Variants in FRRS1 observed in about 807,000 individuals in gnomAD.
FRRS1 encodes the protein ferric reductase 1.
Under a neutral mutation model 70.7 loss-of-function variants are expected in FRRS1, and 51 were observed. The observed-to-expected ratio is 0.72, with a 90% CI of 0.58 to 0.91. The LOEUF is 0.91. Ranked by LOEUF, FRRS1 falls within the 40% of genes least tolerant of loss-of-function variation. The pLI, the probability that FRRS1 is intolerant of heterozygous loss-of-function variation, is 0.00. For missense variants in FRRS1, 672 were observed against 726.0 expected, an observed-to-expected ratio of 0.93 and a Z score of 0.86; for synonymous variants, 225 against 238.7, an observed-to-expected ratio of 0.94 and a Z score of 0.53.
At chr1:99,739,296 G>A (rs540970057) in intron 6 of FRRS1, among the ~76,000 whole-genome samples, 7 of 152,286 alleles carry the variant, frequency 4.6e-5, no homozygotes, top group South Asian at 2.1e-4. Flanking sequence ...ATGGCACAAA[G>A]ACACAATAAA....
intron 9 of FRRS1, among the ~76,000 whole-genome samples, chr1:99,727,438 C>T (rs11166309): frequency 0.018 from 2,675 of 152,206 alleles, 74 homozygotes; most frequent in African/African-American, 0.061. Context: ...CTTTAGCATT[C>T]TTCCTTCAGC....
chr1:99,725,716 A>G (rs185180928), intron 9 of FRRS1, among the ~76,000 whole-genome samples: 1 of 152,198 alleles, frequency 6.6e-6, no homozygotes, highest in Admixed American at 6.5e-5. Context: ...TCATCCATCA[A>G]CTAGGTGTTT....
intron 1 of FRRS1, among the ~76,000 whole-genome samples, chr1:99,755,427 G>T (rs1195408911): frequency 6.6e-6 from 1 of 151,980 alleles, no homozygotes; most frequent in Non-Finnish European, 1.5e-5. Context: ...GAGAGAGAAA[G>T]GGAGGGAGGG....
intron 15 of FRRS1, 35 bp downstream of exon 15, chr1:99,710,769 AGT>A (rs1654233990): frequency 6.9e-6 from 11 of 1,591,338 alleles, no homozygotes; most frequent in Admixed American, 1.7e-5. Context: ...TTTGTATAGA[AGT>A]GCTTCTACAT....
Position 99,705,421 on chromosome 1 carries a change from T to G in FRRS1, c.*3607A>C, listed in dbSNP as rs1224207940. Among the ~76,000 whole-genome samples the G allele has an allele frequency of 6.6e-6, 1 of 152,198 alleles. No individual in the cohort carries two copies. Among genetic ancestry groups the G allele is most frequent in the Non-Finnish European group, 1.5e-5 (1 of 68,024 alleles). On this transcript the variant is annotated 3_prime_UTR_variant, in exon 17 of 17. Transcript: ENST00000646001. ...TTAAAAAGGACTCTTAGAAGAATCT[T>G]TCCTTTCATTCCAACCTATAATGGA... is the stretch of plus-strand genomic sequence containing the variant.
At chr1:99,749,118 C>T (rs1307923316) in intron 1 of FRRS1, 117 bp from the exon 2 acceptor site, 1 of 181,180 alleles carries the variant, frequency 5.5e-6, no homozygotes, top group East Asian at 1.6e-4. Flanking sequence ...TCACTGCAAC[C>T]TCCGCCTCCC....
At position 99,715,494 on chromosome 1, in the gene FRRS1, A is replaced by T. The variant is rs1654473114; in HGVS notation, c.1323+92T>A. 9 of 771,620 alleles carry T rather than the reference A, an allele frequency of 1.2e-5. 1 individual carries two copies. The South Asian group carries it at 1.4e-4, about 12-fold the overall frequency. 47.8% of individuals were successfully genotyped at this position (771,620 alleles called of 1,614,324 possible). On this transcript the variant is annotated intron_variant, in intron 12 of 16. Transcript: ENST00000646001. The stretch of plus-strand genomic sequence containing the variant: ...GAAAGAAAGAGGGATCAATGCTGAA[A>T]TATCTTTTTACCCATCATTTGAAAA...
intron 1 of FRRS1, among the ~76,000 whole-genome samples, chr1:99,751,911 T>C (rs1303367875): frequency 6.6e-6 from 1 of 152,184 alleles, no homozygotes; most frequent in Non-Finnish European, 1.5e-5. Flanking sequence ...ATAATACATA[T>C]AATTATTTTT....
chr1:99,737,985 C>G (rs971032580), intron 7 of FRRS1, 101 bp downstream of exon 7: 5 of 921,932 alleles, frequency 5.4e-6, no homozygotes, highest in Non-Finnish European at 6.5e-6. Flanking sequence ...TCGTGATCCA[C>G]CTGCCTCGGC....
chr1:99,744,960 ACT>A (rs1248743493), intron 4 of FRRS1, among the ~76,000 whole-genome samples: 1 of 128,756 alleles, frequency 7.8e-6, no homozygotes, highest in Non-Finnish European at 1.6e-5. Flanking sequence ...ACAGAGGGAG[ACT>A]CCGTCTCAAA....
intron 7 of FRRS1, among the ~76,000 whole-genome samples, chr1:99,734,269 T>C (rs1446404557): frequency 6.6e-6 from 1 of 152,196 alleles, no homozygotes; most frequent in Non-Finnish European, 1.5e-5. Context: ...GTCTGTTACA[T>C]AAAATTAACG....
chr1:99,737,656 T>A (rs971860208), intron 7 of FRRS1, among the ~76,000 whole-genome samples: 2 of 152,196 alleles, frequency 1.3e-5, no homozygotes, highest in Non-Finnish European at 2.9e-5. Context: ...TAACTTAGAA[T>A]CTGTTCTAAG....
At chr1:99,746,719 C>T (rs189620825) in intron 4 of FRRS1, among the ~76,000 whole-genome samples, 2 of 152,342 alleles carry the variant, frequency 1.3e-5, no homozygotes, top group East Asian at 3.9e-4. Context: ...TTCAACAATG[C>T]TTTTGCCTTC....
At chr1:99,758,548 G>A (rs1474827804) in intron 1 of FRRS1, among the ~76,000 whole-genome samples, 4 of 152,164 alleles carry the variant, frequency 2.6e-5, no homozygotes, top group Non-Finnish European at 5.9e-5. Context: ...ATAAGCTGAG[G>A]ATGTACGTCA....
chr1:99,742,103 C>T (rs950201031), intron 5 of FRRS1, 76 bp downstream of exon 5: 2 of 885,754 alleles, frequency 2.3e-6, no homozygotes, highest in East Asian at 2.5e-5. Context: ...GATCCACCAC[C>T]TTGGCATCCC....
intron 7 of FRRS1, among the ~76,000 whole-genome samples, chr1:99,733,439 T>C (rs1339856129): frequency 6.6e-6 from 1 of 152,172 alleles, no homozygotes; most frequent in Non-Finnish European, 1.5e-5. Flanking sequence ...TAAAGCTCTT[T>C]TGAGAAATGA....
intron 1 of FRRS1, among the ~76,000 whole-genome samples, chr1:99,765,029 C>G (rs886385015): frequency 4.6e-5 from 7 of 152,192 alleles, no homozygotes; most frequent in Non-Finnish European, 1.0e-4. Flanking sequence ...TTCATTCTGA[C>G]TAGCAGACAA....
rs1170787596 is a variant in FRRS1 at position 99,740,899 on chromosome 1, A to ATCT, written c.467_469dup (p.Lys156dup). Reference sequence around the variant, plus strand: ...TGGTTGTGAAATTATAGGACCAGGAATCTTCACCCAGTAGATTTTATACTT... The same window carrying ATCT: ...TGGTTGTGAAATTATAGGACCAGGAATCTTCTTCACCCAGTAGATTTTATACTT... On this transcript the variant is annotated inframe_insertion, in exon 6 of 17. Transcript: ENST00000646001. 6.2e-7 allele frequency: 1 copy of ATCT among 1,609,588 alleles called. No homozygotes were observed. The highest frequency in any genetic ancestry group is 1.7e-5 in the Admixed American group (1 of 60,020).
rs779372849 is a variant in FRRS1 at position 99,712,131 on chromosome 1, A to G, written c.1454T>C (p.Met485Thr). The G allele has an allele frequency of 1.9e-6, 3 of 1,610,920 alleles. No homozygotes were observed. In the Admixed American group the frequency reaches 5.0e-5, roughly 27 times the overall value. ...TGCTATTATTCTAGCAGCTGTTCCC[A>G]TACTCCAATGAGTCCAGTTAAACAT... is the stretch of plus-strand genomic sequence containing the variant. ...RQMFNWTHWS[M>T]GTAARIIAVA... is the part of the protein sequence containing the mutation. The change falls in exon 14 of 17, where the codon ATG becomes ACG. Residue 485 changes from methionine to threonine, a missense_variant. Coordinates refer to ENST00000646001, the MANE Select transcript of FRRS1 (RefSeq NM_001361041.2).
Sources: gnomAD v4.1 joint callset for allele counts (sites outside exome capture counted in the v4.1 genomes callset) on GRCh38, gnomAD v4.1.1 for gene constraint, MANE v1.5 for transcripts, NCBI Gene and HGNC (gene_info 2026-07-23, HGNC 2026-07-21) for gene names.